Variants in S100A6 observed in about 807,000 individuals in gnomAD.
The protein encoded by S100A6 is S100 calcium binding protein A6.
S100A6 carries 3 observed loss-of-function variants against 3.5 expected under a neutral mutation model. The observed-to-expected ratio is 0.87, with a 90% CI of 0.39 to 2.24. The LOEUF (loss-of-function observed/expected upper bound fraction) is 2.24, where lower values mean the gene tolerates loss of function less well. S100A6 is among the 30% of genes most tolerant of loss of function. The probability of loss-of-function intolerance (pLI) is 0.05; values close to 1 mark genes in which losing one functional copy is unlikely to be tolerated. For missense variants in S100A6, 114 were observed against 105.3 expected, an observed-to-expected ratio of 1.08 and a Z score of -0.36; for synonymous variants, 48 against 45.2, an observed-to-expected ratio of 1.06 and a Z score of -0.25.
Position 153,535,364 on chromosome 1 carries a change from G to A in S100A6, c.-21-4C>T. On this transcript the variant is annotated splice_region_variant and splice_polypyrimidine_tract_variant and intron_variant, in intron 1 of 2. Coordinates refer to ENST00000368719, the MANE Select transcript of S100A6 (RefSeq NM_014624.4). ...TGGCTGAGGGCTGGGCTTGGAGCTG[G>A]CAGCAGAGGGCCTAGTCAGTGCCAT... 6 of 1,612,738 alleles carry A rather than the reference G, an allele frequency of 3.7e-6. No individual in the cohort carries two copies. Among genetic ancestry groups the A allele is most frequent in the Non-Finnish European group, 5.1e-6 (6 of 1,179,596 alleles).
chr1:153,535,373 G>A lies in S100A6; in HGVS notation c.-21-13C>T. 1 of 1,611,548 alleles carries A rather than the reference G, an allele frequency of 6.2e-7. No homozygotes were observed. Among genetic ancestry groups the A allele is most frequent in the Non-Finnish European group, 8.5e-7 (1 of 1,179,200 alleles). On this transcript the variant is annotated splice_polypyrimidine_tract_variant and intron_variant, in intron 1 of 2. Coordinates refer to ENST00000368719, the MANE Select transcript of S100A6 (RefSeq NM_014624.4). Reference sequence around the variant, plus strand: ...GCTGGGCTTGGAGCTGGCAGCAGAGGGCCTAGTCAGTGCCATGGGAGCAAG... The same window carrying A: ...GCTGGGCTTGGAGCTGGCAGCAGAGAGCCTAGTCAGTGCCATGGGAGCAAG...
chr1:153,535,505 C>T, intron 1 of S100A6, 145 bp from the exon 2 acceptor site: 4 of 850,306 alleles, frequency 4.7e-6, no homozygotes, highest in Non-Finnish European at 1.8e-6. Context: ...CAGCCCAGGG[C>T]TTGAAGGGGA....
chr1:153,534,817 G>C lies in S100A6; in HGVS notation c.152C>G (p.Ala51Gly). 1 of 1,612,626 alleles carries C rather than the reference G, an allele frequency of 6.2e-7. No homozygotes were observed. The highest frequency in any genetic ancestry group is 8.5e-7 in the Non-Finnish European group (1 of 1,179,646). ...GTCTTCCATCAGCCTTGCAATTTCA[G>C]CATCCTGCAGCTTCTAATGTGTTAG... ...ELTIGSKLQD[A>G]EIARLMEDLD... The change falls in exon 3 of 3, where the codon GCT (alanine) becomes GGT (glycine). Residue 51 changes from alanine (A) to glycine (G), a missense_variant. Physicochemically the swap from Ala to Gly is moderately conservative, Grantham distance 60 (BLOSUM62 0). Transcript: ENST00000368719.
At position 153,534,846 on chromosome 1, in the gene S100A6, G is replaced by A. The variant is rs1262936584; in HGVS notation, c.139-16C>T. On this transcript the variant is annotated splice_polypyrimidine_tract_variant and intron_variant, in intron 2 of 2. Transcript: ENST00000368719. ...CCTGCAGCTTCTAATGTGTTAGAAT[G>A]TGAAATCCATACTCAGTGGTGATGA... The A allele has an allele frequency of 6.2e-7, 1 of 1,606,744 alleles. No homozygotes were observed. The highest frequency in any genetic ancestry group is 8.5e-7 in the Non-Finnish European group (1 of 1,177,496).
Position 153,534,799 on chromosome 1 carries a change from A to G in S100A6, c.170T>C (p.Met57Thr). Residue 57 changes from methionine to threonine, a missense_variant, in exon 3 of 3, where the codon ATG becomes ACG. Coordinates refer to ENST00000368719, the MANE Select transcript of S100A6 (RefSeq NM_014624.4). ...KLQDAEIARL[M>T]EDLDRNKDQE... is the part of the protein sequence containing the mutation. ...GTCCTTGTTCCGGTCCAAGTCTTCCATCAGCCTTGCAATTTCAGCATCCTG... is the reference window on the plus strand; with the variant it reads ...GTCCTTGTTCCGGTCCAAGTCTTCCGTCAGCCTTGCAATTTCAGCATCCTG... 1 of 1,613,806 alleles carries G rather than the reference A, an allele frequency of 6.2e-7. No individual in the cohort carries two copies. The highest frequency in any genetic ancestry group is 8.5e-7 in the Non-Finnish European group (1 of 1,179,942).
rs149391168 is a variant in S100A6, at chr1:153,534,689, T to A, written c.*7A>T. On this transcript the variant is annotated 3_prime_UTR_variant, in exon 3 of 3. Coordinates refer to ENST00000368719, the MANE Select transcript of S100A6 (RefSeq NM_014624.4). ...CCAGAGGGTGTCTCCATCTTCCCTATTTATTTTCAGCCCTTGAGGGCTTCA... is the reference window on the plus strand; with the variant it reads ...CCAGAGGGTGTCTCCATCTTCCCTAATTATTTTCAGCCCTTGAGGGCTTCA... 469 of 1,596,824 alleles carry A rather than the reference T, an allele frequency of 2.9e-4. 1 individual carries two copies. In the African/African-American group the frequency reaches 5.6e-3, roughly 19 times the overall value.
chr1:153,535,017 A>C (rs904196534), intron 2 of S100A6, 185 bp downstream of exon 2: 6 of 1,098,626 alleles, frequency 5.5e-6, no homozygotes, highest in African/African-American at 4.7e-5. Flanking sequence ...GGAGAGATGG[A>C]TATCCGGCTG....
At chr1:153,535,000 C>T in intron 2 of S100A6, 170 bp from the exon 3 acceptor site, 2 of 1,110,144 alleles carry the variant, frequency 1.8e-6, no homozygotes, top group Non-Finnish European at 2.6e-6. Flanking sequence ...GTTACTGGTC[C>T]TCATTTGGAG....
At chr1:153,535,427 C>A in intron 1 of S100A6, 67 bp from the exon 2 acceptor site, 1 of 1,517,736 alleles carries the variant, frequency 6.6e-7, no homozygotes, top group Non-Finnish European at 8.9e-7. Context: ...CCCAATAATG[C>A]TGCCTGCACT....
At chr1:153,535,417 C>T in intron 1 of S100A6, 57 bp from the exon 2 acceptor site, 2 of 1,558,964 alleles carry the variant, frequency 1.3e-6, no homozygotes, top group Non-Finnish European at 1.7e-6. Flanking sequence ...ACCCACACAC[C>T]CCAATAATGC....
At position 153,534,800 on chromosome 1, in the gene S100A6, T is replaced by C. The variant is rs1665135746; in HGVS notation, c.169A>G (p.Met57Val). The change falls in exon 3 of 3, where the codon ATG becomes GTG. Residue 57 changes from methionine (M) to valine (V), a missense_variant. Coordinates refer to ENST00000368719, the MANE Select transcript of S100A6 (RefSeq NM_014624.4). The stretch of plus-strand genomic sequence containing the variant: ...TCCTTGTTCCGGTCCAAGTCTTCCA[T>C]CAGCCTTGCAATTTCAGCATCCTGC... Reference protein sequence around the residue: ...KLQDAEIARLMEDLDRNKDQE... With the variant: ...KLQDAEIARLVEDLDRNKDQE... 1.9e-6 allele frequency: 3 copies of C among 1,613,670 alleles called. No individual in the cohort carries two copies. Among genetic ancestry groups the C allele is most frequent in the African/African-American group, 2.7e-5 (2 of 74,922 alleles).
Position 153,534,700 on chromosome 1 carries a change from C to T in S100A6, c.269G>A (p.Gly90Asp), listed in dbSNP as rs2228293. The change falls in exon 3 of 3, where the codon GGC becomes GAC. Residue 90 changes from glycine to aspartate, a missense_variant. Physicochemically the swap from Gly to Asp is moderately conservative, Grantham distance 94. Transcript: ENST00000368719. Reference sequence around the variant, plus strand: ...CTCCATCTTCCCTATTTATTTTCAGCCCTTGAGGGCTTCATTGTAGATCAA... The same window carrying T: ...CTCCATCTTCCCTATTTATTTTCAGTCCTTGAGGGCTTCATTGTAGATCAA... ...LALIYNEALKG is the reference protein window; with the variant it reads ...LALIYNEALKD 2,354 of 1,606,172 alleles carry T rather than the reference C, an allele frequency of 1.5e-3. 40 individuals are homozygous for T. The African/African-American group carries it at 0.027, about 19-fold the overall frequency.
rs772804004 is a variant in S100A6 at position 153,535,205 on chromosome 1, G to A, written c.135C>T (p.Gly45=). 3.7e-6 allele frequency: 6 copies of A among 1,614,154 alleles called. No individual in the cohort carries two copies. In the South Asian group the frequency reaches 5.5e-5, roughly 15 times the overall value. The change falls in exon 2 of 3, where the codon GGC becomes GGT. Residue 45 remains glycine, a synonymous_variant. Transcript: ENST00000368719. ...TCCTGGGGAGGAGGCCACTCACCGA[G>A]CCAATGGTGAGCTCCTTCTGGATCA... ...KELIQKELTI[G]SKLQDAEIAR...
chr1:153,535,483 G>A, intron 1 of S100A6, 123 bp from the exon 2 acceptor site: 1 of 1,041,330 alleles, frequency 9.6e-7, no homozygotes, highest in Non-Finnish European at 1.4e-6. Flanking sequence ...CACACACAAT[G>A]GCATCAGGAG....
At chr1:153,534,956 C>T in intron 2 of S100A6, 126 bp from the exon 3 acceptor site, 6 of 1,298,278 alleles carry the variant, frequency 4.6e-6, no homozygotes, top group Non-Finnish European at 6.4e-6. Flanking sequence ...GGACCCATGT[C>T]ACTTTGGCAT....
intron 2 of S100A6, 152 bp from the exon 3 acceptor site, chr1:153,534,982 A>G (rs1306370779): frequency 3.5e-6 from 4 of 1,150,472 alleles, no homozygotes; most frequent in African/African-American, 3.1e-5. Flanking sequence ...CTCCTCAGCT[A>G]CTTCTCAGTT....
intron 2 of S100A6, 166 bp downstream of exon 2, chr1:153,535,036 C>A (rs16835413): frequency 2.6e-6 from 3 of 1,132,380 alleles, no homozygotes; most frequent in Admixed American, 2.6e-5. Flanking sequence ...TGGAAGCATC[C>A]CCTACCCGCT....
At position 153,534,628 on chromosome 1, in the gene S100A6, A is replaced by G. The variant is rs1424196154; in HGVS notation, c.*68T>C. The G allele has an allele frequency of 2.7e-6, 4 of 1,469,408 alleles. No individual in the cohort carries two copies. Among genetic ancestry groups the G allele is most frequent in the Admixed American group, 2.5e-5 (1 of 40,248 alleles). 91.0% of individuals were successfully genotyped at this position (1,469,408 alleles called of 1,614,324 possible). A position where few individuals can be genotyped will look rare whatever the true frequency, so the allele number is the denominator to read the frequency against. ...TTTGACCAAAAAAAATTTATTGTAC[A>G]ATTACCCACCACTGGATTTGACTCA... On this transcript the variant is annotated 3_prime_UTR_variant, in exon 3 of 3. Coordinates refer to ENST00000368719, the MANE Select transcript of S100A6 (RefSeq NM_014624.4).
chr1:153,534,868 A>G (rs1665137381), intron 2 of S100A6, 38 bp from the exon 3 acceptor site: 1 of 1,593,586 alleles, frequency 6.3e-7, no homozygotes, highest in East Asian at 2.2e-5. Flanking sequence ...CTCAGTGGTG[A>G]TGACAACCCT....
Sources: gnomAD v4.1 joint callset for allele counts on GRCh38, gnomAD v4.1.1 for gene constraint, MANE v1.5 for transcripts, NCBI Gene and HGNC (gene_info 2026-07-23, HGNC 2026-07-21) for gene names.